The following ANKRD26 variants were observed in gnomAD, a reference collection of about 807,000 sequenced individuals.
The protein encoded by ANKRD26 is ankyrin repeat domain 26.
Under a neutral mutation model 208.7 loss-of-function variants are expected in ANKRD26, and 141 were observed. The ratio of observed to expected loss-of-function variants is 0.68; its 90% confidence interval spans 0.59 to 0.78. ANKRD26 has a LOEUF of 0.78. ANKRD26 is among the 30% of genes least tolerant of loss of function. The pLI is 0.00. For missense variants in ANKRD26, 1,889 were observed against 1,938.7 expected (o/e 0.97, Z 0.48); for synonymous variants, 636 against 660.4 (o/e 0.96, Z 0.57).
the ANKRD26 span, among the ~76,000 whole-genome samples, chr10:26,950,023 A>G: frequency 9.2e-5 from 14 of 152,062 alleles, no homozygotes; most frequent in Admixed American, 1.3e-4. Context: ...ATTGCATTCT[A>G]TGGTATTATT....
At chr10:26,986,444 T>G (rs1289548515) in intron 3 of ANKRD26, among the ~76,000 whole-genome samples, 1 of 151,984 alleles carries the variant, frequency 6.6e-6, no homozygotes, top group African/African-American at 2.4e-5. Flanking sequence ...CTAATTAAAC[T>G]AAAGAGCTTC....
chr10:27,043,672 C>T (rs2054341109), intron 19 of ANKRD26, 105 bp from the exon 20 acceptor site: 1 of 1,170,128 alleles, frequency 8.5e-7, no homozygotes, highest in Non-Finnish European at 1.2e-6. Flanking sequence ...ACAGGTATTT[C>T]TTAAAAAGAA....
chr10:26,953,545 T>G, the ANKRD26 span, among the ~76,000 whole-genome samples: 1 of 152,242 alleles, frequency 6.6e-6, no homozygotes, highest in Non-Finnish European at 1.5e-5. Context: ...CCAAATTATC[T>G]TACTCTGGTA....
In ANKRD26 at chr10:27,017,630, T is replaced by G. The variant is rs2053342298; in HGVS notation, c.4378A>C (p.Asn1460His). 1 of 1,613,724 alleles carries G rather than the reference T, an allele frequency of 6.2e-7. No homozygotes were observed. The highest frequency in any genetic ancestry group is 8.5e-7 in the Non-Finnish European group (1 of 1,179,848). Residue 1460 changes from asparagine (N) to histidine (H), a missense_variant, in exon 30 of 34, where the codon AAC (asparagine) becomes CAC (histidine). Around this residue, in one of 3 missense-constraint regions of ANKRD26, gnomAD observed 613 missense variants for 648.2 expected, o/e 0.95. Coordinates refer to ENST00000376087, the MANE Select transcript of ANKRD26 (RefSeq NM_014915.3). Reference protein sequence around the residue: ...NKKKLEQEVINLRSHIERNMV... With the variant: ...NKKKLEQEVIHLRSHIERNMV... Reference sequence around the variant, plus strand: ...TTCCTTTCTATATGACTTCTCAGGTTGATCACTTCTTGTTCCAACTTCTTT... The same window carrying G: ...TTCCTTTCTATATGACTTCTCAGGTGGATCACTTCTTGTTCCAACTTCTTT...
At chr10:26,948,677 A>G in the ANKRD26 span, among the ~76,000 whole-genome samples, 1 of 152,228 alleles carries the variant, frequency 6.6e-6, no homozygotes, top group Admixed American at 6.5e-5. Flanking sequence ...GTTATTCTCA[A>G]TGGTTACAAG....
intron 25 of ANKRD26, among the ~76,000 whole-genome samples, chr10:27,032,316 G>A (rs974094275): frequency 5.3e-5 from 8 of 151,710 alleles, no homozygotes; most frequent in Non-Finnish European, 1.2e-4. Flanking sequence ...CTGGCCAACA[G>A]GGTGAAACCC....
intron 5 of ANKRD26, among the ~76,000 whole-genome samples, chr10:27,084,872 CAAAAAAA>C (rs375120568): frequency 1.0e-5 from 1 of 99,376 alleles, no homozygotes; most frequent in Non-Finnish European, 2.0e-5. Context: ...AACTCCATTT[CAAAAAAA>C]AAAAAAAAAA....
At chr10:26,974,246 A>G (rs998521116) in exon 6 of ANKRD26, among the ~76,000 whole-genome samples, 2 of 151,576 alleles carry the variant, frequency 1.3e-5, no homozygotes, top group Non-Finnish European at 2.9e-5. Context: ...TAGACATCAC[A>G]TTATTATTTT....
chr10:26,953,851 G>A, the ANKRD26 span, among the ~76,000 whole-genome samples: 1 of 152,158 alleles, frequency 6.6e-6, no homozygotes, highest in Non-Finnish European at 1.5e-5. Flanking sequence ...GTGATCACAT[G>A]TATTGCCCAG....
At chr10:27,058,666 C>T (rs1461587049) in intron 15 of ANKRD26, among the ~76,000 whole-genome samples, 1 of 151,798 alleles carries the variant, frequency 6.6e-6, no homozygotes, top group Non-Finnish European at 1.5e-5. Context: ...ACCTCCAACT[C>T]CCTGGTTCAA....
Position 27,061,352 on chromosome 10 carries a change from G to A in ANKRD26, c.1364-110C>T, listed in dbSNP as rs143299875. 408 of 676,622 alleles carry A rather than the reference G, an allele frequency of 6.0e-4. 1 individual carries two copies. In the African/African-American group the frequency reaches 6.7e-3, roughly 11 times the overall value. 41.9% of individuals were successfully genotyped at this position (676,622 alleles called of 1,614,324 possible). On this transcript the variant is annotated intron_variant, in intron 12 of 33. Coordinates refer to ENST00000376087, the MANE Select transcript of ANKRD26 (RefSeq NM_014915.3). The stretch of plus-strand genomic sequence containing the variant: ...TAACATTTTATATTTCAAAATTAGT[G>A]CAGTTTTTTAAAATCAATGCAGTGT...
At chr10:26,951,013 CTTTTTCTTTTT>C in the ANKRD26 span, among the ~76,000 whole-genome samples, 75 of 100,884 alleles carry the variant, frequency 7.4e-4, no homozygotes, top group Non-Finnish European at 1.1e-3. Flanking sequence ...CTTTTCTTTT[CTTTTTCTTTTT>C]TTTTTTTTTT....
At chr10:26,963,974 C>T in the ANKRD26 span, among the ~76,000 whole-genome samples, 24 of 121,796 alleles carry the variant, frequency 2.0e-4, no homozygotes, top group African/African-American at 4.3e-4. Flanking sequence ...TGCAGTGATG[C>T]GTTCTCGGCT....
At chr10:27,018,061 T>C (rs2053359477) in intron 29 of ANKRD26, among the ~76,000 whole-genome samples, 1 of 152,110 alleles carries the variant, frequency 6.6e-6, no homozygotes, top group African/African-American at 2.4e-5. Flanking sequence ...TTTTCTATGA[T>C]TGTTTCATGT....
chr10:26,995,212 A>G (rs544081026), intron 4 of ANKRD26: 2 of 470,542 alleles, frequency 4.3e-6, no homozygotes, highest in African/African-American at 2.0e-5. Context: ...AGATAAAAGC[A>G]AAACTTCACG....
downstream of ANKRD26, among the ~76,000 whole-genome samples, chr10:26,991,298 C>T (rs146725672): frequency 1.2e-4 from 18 of 152,260 alleles, no homozygotes; most frequent in East Asian, 1.5e-3. Context: ...AAAATGACCA[C>T]GGCAACTCTC....
At chr10:27,005,805 A>C in intron 33 of ANKRD26, 82 bp from the exon 34 acceptor site, 1 of 1,517,880 alleles carries the variant, frequency 6.6e-7, no homozygotes, top group Non-Finnish European at 8.8e-7. Flanking sequence ...AAGAGTTGAG[A>C]ATTTTGTCAG....
intron 4 of ANKRD26, among the ~76,000 whole-genome samples, chr10:26,998,220 CTG>C: frequency 6.6e-6 from 1 of 152,148 alleles, no homozygotes; most frequent in South Asian, 2.1e-4. Flanking sequence ...AAGCAATCAG[CTG>C]ACATCTTGCA....
In ANKRD26 at chr10:27,013,029, A is replaced by G. The variant is rs1254759698; in HGVS notation, c.4806T>C (p.Thr1602=). The G allele has an allele frequency of 6.2e-7, 1 of 1,614,092 alleles. No homozygotes were observed. Among genetic ancestry groups the G allele is most frequent in the South Asian group, 1.1e-5 (1 of 91,088 alleles). The part of the protein sequence containing the change: ...QQSRSLFTTL[T]TRPVMEPPCV... ...AAGGTGGCTCCATGACTGGCCTGGTAGTGAGAGTGGTGAACAAAGATCTGC... is the reference window on the plus strand; with the variant it reads ...AAGGTGGCTCCATGACTGGCCTGGTGGTGAGAGTGGTGAACAAAGATCTGC... The change falls in exon 32 of 34, where the codon ACT becomes ACC. Residue 1602 remains threonine, a synonymous_variant. Coordinates refer to ENST00000376087, the MANE Select transcript of ANKRD26 (RefSeq NM_014915.3).
Sources: allele counts gnomAD v4.1 joint callset (sites outside exome capture counted in the v4.1 genomes callset), GRCh38; gene constraint gnomAD v4.1.1; regional missense constraint gnomAD v4.1.1; transcripts MANE v1.5; gene names NCBI Gene and HGNC (gene_info 2026-07-23, HGNC 2026-07-21).